The following PREP variants were observed in gnomAD, a reference collection of about 807,000 sequenced individuals.
PREP encodes prolyl endopeptidase.
A neutral mutation model predicts 87.6 loss-of-function variants in PREP; 29 were observed. That is an observed-to-expected ratio of 0.33 (90% CI 0.25 to 0.45). PREP has a LOEUF of 0.45. Among genes scored for constraint, PREP ranks in the 20% least tolerant of loss-of-function variants. The pLI, the probability that PREP is intolerant of heterozygous loss-of-function variation, is 1.00. For missense variants in PREP, 695 were observed against 886.5 expected, an observed-to-expected ratio of 0.78 and a Z score of 2.74; for synonymous variants, 337 against 328.6, an observed-to-expected ratio of 1.03 and a Z score of -0.28.
chr6:105,308,155 T>C (rs1049680922), intron 10 of PREP, among the ~76,000 whole-genome samples: 5 of 151,844 alleles, frequency 3.3e-5, no homozygotes, highest in African/African-American at 4.8e-5. Flanking sequence ...GAAAAGGAAA[T>C]TGAATGCATG....
chr6:105,391,486 T>C lies in PREP; in HGVS notation c.120+6367A>G, dbSNP rs1373472472. 7.2e-5 allele frequency among the ~76,000 whole-genome samples: 11 copies of C among 152,278 alleles called. No individual in the cohort carries two copies. In the South Asian group the frequency reaches 2.3e-3, roughly 32 times the overall value. On this transcript the variant is annotated intron_variant, in intron 2 of 14. Transcript: ENST00000652536. ...ATCCTCCCATCTTGGCCTCCCAAAG[T>C]GCTGAGATTATATGTGTGAGCCACT...
chr6:105,377,463 G>A lies in PREP; in HGVS notation c.177C>T (p.Ile59=), dbSNP rs777360620. 2.5e-6 allele frequency: 4 copies of A among 1,613,508 alleles called. No homozygotes were observed. Among genetic ancestry groups the A allele is most frequent in the Non-Finnish European group, 2.5e-6 (3 of 1,179,504 alleles). The part of the protein sequence containing the change: ...ITVPFLEQCP[I]RGLYKERMTE... ...TCATTCTCTCTTTGTATAAACCTCT[G>A]ATGGGACACTGCTCAAGAAATGGCA... Residue 59 remains isoleucine (I), a synonymous_variant, in exon 3 of 15, where the codon ATC becomes ATT. Coordinates refer to ENST00000652536, the MANE Select transcript of PREP (RefSeq NM_002726.5).
intron 10 of PREP, among the ~76,000 whole-genome samples, chr6:105,304,523 A>T (rs1199806799): frequency 1.3e-5 from 2 of 152,080 alleles, no homozygotes; most frequent in Non-Finnish European, 2.9e-5. Context: ...AAATCAGCCA[A>T]TCCCCTCCCC....
chr6:105,358,620 TCTTCTC>T (rs1267982743), intron 6 of PREP, among the ~76,000 whole-genome samples: 1 of 152,084 alleles, frequency 6.6e-6, no homozygotes, highest in Non-Finnish European at 1.5e-5. Flanking sequence ...CCCCCATGCT[TCTTCTC>T]TGGTGGCTGG....
At chr6:105,349,082 C>G (rs1402677115) in intron 7 of PREP, among the ~76,000 whole-genome samples, 2 of 152,016 alleles carry the variant, frequency 1.3e-5, no homozygotes, top group African/African-American at 4.8e-5. Context: ...GATGACAGGC[C>G]TAATTCCATT....
rs1051408814 is a variant in PREP, at chr6:105,376,361, G to C, written c.255-106C>G. 1.5e-5 allele frequency: 20 copies of C among 1,347,286 alleles called. No homozygotes were observed. The South Asian group carries it at 2.5e-4, about 17-fold the overall frequency. The allele number at this position is 1,347,286 out of a possible 1,614,324, so 83.5% of individuals were successfully genotyped here. ...AAAACAAAACCAAAGACCTAAAAAG[G>C]TACCACTGTAATCTGGCCATCGCAG... is the stretch of plus-strand genomic sequence containing the variant. On this transcript the variant is annotated intron_variant, in intron 3 of 14. Coordinates refer to ENST00000652536, the MANE Select transcript of PREP (RefSeq NM_002726.5).
chr6:105,384,483 T>C (rs1772931174), intron 2 of PREP, among the ~76,000 whole-genome samples: 1 of 152,232 alleles, frequency 6.6e-6, no homozygotes, highest in Non-Finnish European at 1.5e-5. Context: ...TGAGGATTCT[T>C]GGTACCGCTC....
intron 10 of PREP, among the ~76,000 whole-genome samples, chr6:105,310,047 GA>G (rs1326941280): frequency 6.6e-6 from 1 of 152,076 alleles, no homozygotes; most frequent in East Asian, 1.9e-4. Context: ...AATTAAGATT[GA>G]TTTTTTTATA....
At chr6:105,391,932 G>A (rs1390256336) in intron 2 of PREP, among the ~76,000 whole-genome samples, 1 of 152,120 alleles carries the variant, frequency 6.6e-6, no homozygotes, top group African/African-American at 2.4e-5. Context: ...AACAGGGTAC[G>A]GCAAGACTGC....
At chr6:105,341,719 C>T (rs544485261) in intron 7 of PREP, among the ~76,000 whole-genome samples, 62 of 152,274 alleles carry the variant, frequency 4.1e-4, no homozygotes, top group African/African-American at 1.4e-3. Context: ...CACCACTGAT[C>T]CCACAGAAAT....
intron 12 of PREP, among the ~76,000 whole-genome samples, chr6:105,282,984 C>T (rs1423458369): frequency 2.0e-5 from 3 of 152,176 alleles, no homozygotes; most frequent in African/African-American, 7.2e-5. Flanking sequence ...TAGGTTGCAC[C>T]CAGCACCCGA....
intron 6 of PREP, among the ~76,000 whole-genome samples, chr6:105,363,202 A>G (rs1446775543): frequency 1.3e-5 from 2 of 152,236 alleles, no homozygotes; most frequent in African/African-American, 4.8e-5. Flanking sequence ...TTCTCAATAT[A>G]GGATTTAGGG....
intron 7 of PREP, among the ~76,000 whole-genome samples, chr6:105,340,913 A>G (rs1444964826): frequency 6.6e-6 from 1 of 152,220 alleles, no homozygotes; most frequent in Non-Finnish European, 1.5e-5. Context: ...ACCTACGAAG[A>G]GACTTAGACT....
At chr6:105,340,169 G>C (rs908394960) in intron 7 of PREP, among the ~76,000 whole-genome samples, 7 of 152,184 alleles carry the variant, frequency 4.6e-5, no homozygotes, top group Non-Finnish European at 4.4e-5. Context: ...ACAAAGGGAA[G>C]CCCATCAGAC....
In PREP at chr6:105,278,399, A is replaced by G. The variant is rs1408391760; in HGVS notation, c.1878T>C (p.Asp626=). The change falls in exon 15 of 15, where the codon GAT becomes GAC. Residue 626 remains aspartate (D), a synonymous_variant. Transcript: ENST00000652536. This position sits in a 1 kb window ranked among gnomAD's most constrained non-coding sequence, Gnocchi z 4.2. ...PLHNVKLPEA[D]DIQYPSMLLL... is the part of the protein sequence containing the mutation. ...GCAGCATGGACGGGTACTGGATGTCATCTGCTTCTGGTAACTTCACATTAT... is the reference window on the plus strand; with the variant it reads ...GCAGCATGGACGGGTACTGGATGTCGTCTGCTTCTGGTAACTTCACATTAT... 1 of 1,613,824 alleles carries G rather than the reference A, an allele frequency of 6.2e-7. No homozygotes were observed. Among genetic ancestry groups the G allele is most frequent in the Non-Finnish European group, 8.5e-7 (1 of 1,179,788 alleles).
At chr6:105,335,607 T>C (rs936108347) in intron 7 of PREP, among the ~76,000 whole-genome samples, 9 of 152,162 alleles carry the variant, frequency 5.9e-5, no homozygotes, top group Non-Finnish European at 1.5e-5. Flanking sequence ...AATATAAAAA[T>C]AGGGCCAGGT....
At chr6:105,302,421 C>T in intron 10 of PREP, 1 of 227,526 alleles carries the variant, frequency 4.4e-6, no homozygotes, top group Non-Finnish European at 8.8e-6. Flanking sequence ...TTGTTCTCTT[C>T]GGCCAGCTCT....
chr6:105,294,518 C>G, intron 10 of PREP, among the ~76,000 whole-genome samples: 1 of 152,200 alleles, frequency 6.6e-6, no homozygotes, highest in Non-Finnish European at 1.5e-5. Flanking sequence ...GCCTCAACAC[C>G]AAGATCTTAG....
chr6:105,340,073 T>G (rs1334437865), intron 7 of PREP, among the ~76,000 whole-genome samples: 2 of 150,856 alleles, frequency 1.3e-5, no homozygotes, highest in African/African-American at 4.9e-5. Context: ...GAAGAGAAAC[T>G]CCAAGGCACA....
Sources: allele counts gnomAD v4.1 joint callset (sites outside exome capture counted in the v4.1 genomes callset), GRCh38; gene constraint gnomAD v4.1.1; non-coding constraint Gnocchi (gnomAD v3.1); transcripts MANE v1.5; gene names NCBI Gene and HGNC (gene_info 2026-07-23, HGNC 2026-07-21).